The following CASK variants were observed in gnomAD, a reference collection of about 807,000 sequenced individuals.
CASK encodes calcium/calmodulin dependent serine protein kinase.
Under a neutral mutation model 82.9 loss-of-function variants are expected in CASK, and 4 were observed. That is an observed-to-expected ratio of 0.05 (90% confidence interval 0.02 to 0.11). CASK has a LOEUF of 0.11. Among genes scored for constraint, CASK ranks in the 10% least tolerant of loss-of-function variants. The probability of loss-of-function intolerance (pLI) is 1.00; values close to 1 mark genes in which losing one functional copy is unlikely to be tolerated. For missense variants in CASK, 358 were observed against 720.9 expected, an observed-to-expected ratio of 0.50 and a Z score of 5.76; for synonymous variants, 259 against 253.5, an observed-to-expected ratio of 1.02 and a Z score of -0.20.
intron 11 of CASK, 75 bp from the exon 12 acceptor site, chrX:41,610,100 T>G (rs1047203135): frequency 1.4e-5 from 14 of 1,010,544 alleles, no homozygotes; most frequent in Non-Finnish European, 1.6e-5. Flanking sequence ...ACCTAAATCT[T>G]ACACTTAAGA....
intron 1 of CASK, among the ~76,000 whole-genome samples, chrX:41,898,015 C>A (rs2072301014): frequency 9.0e-6 from 1 of 111,648 alleles, no homozygotes; most frequent in South Asian, 3.7e-4. Flanking sequence ...ATTCCCTCTT[C>A]AATTTTTTGG....
chrX:41,896,438 G>C (rs764920545), intron 1 of CASK, among the ~76,000 whole-genome samples: 1 of 111,952 alleles, frequency 8.9e-6, no homozygotes, highest in African/African-American at 3.2e-5. Context: ...ATAATATAGG[G>C]AAAAGACAAT....
At chrX:41,637,378 CTTTTTTTTTTTTTTT>C (rs758261036) in intron 8 of CASK, among the ~76,000 whole-genome samples, 31 of 36,890 alleles carry the variant, frequency 8.4e-4, no homozygotes, top group Admixed American at 1.4e-3. Flanking sequence ...TTAGGACACG[CTTTTTTTTTTTTTTT>C]TTTTTTTTTT....
chrX:41,845,503 A>G (rs910123848), intron 2 of CASK, among the ~76,000 whole-genome samples: 3 of 111,599 alleles, frequency 2.7e-5, no homozygotes, highest in Non-Finnish European at 5.7e-5. Context: ...ATTTCATCTG[A>G]TATTAGTAAT....
At chrX:41,680,801 G>A (rs1373633808) in intron 5 of CASK, among the ~76,000 whole-genome samples, 1 of 110,264 alleles carries the variant, frequency 9.1e-6, no homozygotes, top group Non-Finnish European at 1.9e-5. Flanking sequence ...TGTAATCCCA[G>A]CTACTTGGGA....
intron 26 of CASK, among the ~76,000 whole-genome samples, chrX:41,523,641 G>A (rs1159397119): frequency 8.9e-6 from 1 of 112,257 alleles, no homozygotes; most frequent in Non-Finnish European, 1.9e-5. Context: ...GTCTTCAGGG[G>A]CCTGGAGAGA....
Position 41,787,976 on chromosome X carries a change from C to T in CASK, c.173-693G>A, listed in dbSNP as rs1472966618. Among the ~76,000 whole-genome samples, 3 of 109,458 alleles carry T rather than the reference C, an allele frequency of 2.7e-5. No individual in the cohort carries two copies. The East Asian group carries it at 8.5e-4, about 31-fold the overall frequency. On this transcript the variant is annotated intron_variant, in intron 2 of 26. Transcript: ENST00000378163. ...TTTGAGACAAGCCTGGCCAACATGG[C>T]GAAATCACATCTCTACTAAAAATGT...
At chrX:41,612,490 G>C (rs1347890293) in intron 11 of CASK, among the ~76,000 whole-genome samples, 2 of 107,821 alleles carry the variant, frequency 1.9e-5, no homozygotes, top group African/African-American at 6.8e-5. Context: ...GAAGTGAGGA[G>C]CGTCTCCGCC....
intron 24 of CASK, among the ~76,000 whole-genome samples, chrX:41,532,902 C>T (rs867490534): frequency 6.3e-5 from 7 of 111,077 alleles, no homozygotes; most frequent in African/African-American, 3.3e-5. Context: ...TTCCAGCTCC[C>T]GGGTTCCAAG....
chrX:41,667,216 A>G (rs989837277), intron 6 of CASK, among the ~76,000 whole-genome samples: 1 of 111,909 alleles, frequency 8.9e-6, no homozygotes, highest in Non-Finnish European at 1.9e-5. Flanking sequence ...GTTTGGTTCA[A>G]TAATTTGCTC....
Position 41,671,966 on chromosome X carries a change from A to AG in CASK, c.430-437dup, listed in dbSNP as rs769814012. The stretch of plus-strand genomic sequence containing the variant: ...ACAGAGCCATTGTATCCTGGTTGTT[A>AG]GGGGATAGCCATGGCCCTTTCTTTC... On this transcript the variant is annotated intron_variant, in intron 5 of 26. Transcript: ENST00000378163. Among the ~76,000 whole-genome samples, 142 of 111,940 alleles carry AG rather than the reference A, an allele frequency of 1.3e-3. 2 individuals are homozygous for AG. The highest frequency in any genetic ancestry group is 4.5e-3 in the African/African-American group (138 of 30,833).
chrX:41,883,622 C>T (rs1302783255), intron 1 of CASK, among the ~76,000 whole-genome samples: 1 of 111,514 alleles, frequency 9.0e-6, no homozygotes, highest in African/African-American at 3.3e-5. Context: ...AGAAAAATAT[C>T]GACATTTTTT....
intron 1 of CASK, among the ~76,000 whole-genome samples, chrX:41,899,354 C>A (rs2072327341): frequency 9.0e-6 from 1 of 111,033 alleles, no homozygotes. Context: ...AGTCTTATTT[C>A]TTTTTATCCA....
chrX:41,676,516 G>A, intron 5 of CASK: 2 of 1,173,441 alleles, frequency 1.7e-6, no homozygotes, highest in Non-Finnish European at 2.3e-6. Context: ...CCCGCAGTGG[G>A]CTCCCCTCGC....
At chrX:41,808,449 C>T (rs2070181702) in intron 2 of CASK, among the ~76,000 whole-genome samples, 1 of 112,153 alleles carries the variant, frequency 8.9e-6, no homozygotes, top group Non-Finnish European at 1.9e-5. Flanking sequence ...AGCAAGGCGT[C>T]TCACATCACT....
intron 9 of CASK, among the ~76,000 whole-genome samples, chrX:41,636,355 A>C: frequency 8.9e-6 from 1 of 112,021 alleles, no homozygotes; most frequent in Non-Finnish European, 1.9e-5. Flanking sequence ...AATACAACTA[A>C]TCTTCTATTA....
At chrX:41,546,114 C>G (rs1023455201) in intron 21 of CASK, among the ~76,000 whole-genome samples, 1 of 111,338 alleles carries the variant, frequency 9.0e-6, no homozygotes, top group African/African-American at 3.3e-5. Flanking sequence ...GCTGGGATTA[C>G]GGGTGCCTGC....
Position 41,542,697 on chromosome X carries a change from T to C in CASK, c.2149A>G (p.Asn717Asp). The change falls in exon 22 of 27, where the codon AAT (asparagine) becomes GAT (aspartate). Residue 717 changes from asparagine to aspartate, a missense_variant. By Grantham distance (23) the Asn-to-Asp change is conservative. Coordinates refer to ENST00000378163, the MANE Select transcript of CASK (RefSeq NM_001367721.1). Reference protein sequence around the residue: ...QYKDKYLAKHNAVFDQLDLVT... With the variant: ...QYKDKYLAKHDAVFDQLDLVT... ...CAGTTGTGCTTTTCCCTACCTGCAT[T>C]GTGCTTTGCCAAATATTTATCTTTG... The C allele has an allele frequency of 8.4e-7, 1 of 1,185,479 alleles. No homozygotes were observed. Among genetic ancestry groups the C allele is most frequent in the Non-Finnish European group, 1.1e-6 (1 of 871,524 alleles).
intron 21 of CASK, among the ~76,000 whole-genome samples, chrX:41,549,825 G>C (rs2065071702): frequency 9.1e-6 from 1 of 109,816 alleles, no homozygotes; most frequent in Non-Finnish European, 1.9e-5. Flanking sequence ...GGGAGACAGA[G>C]AGGGACCTTG....
Sources: allele counts gnomAD v4.1 joint callset (sites outside exome capture counted in the v4.1 genomes callset), GRCh38; gene constraint gnomAD v4.1.1; transcripts MANE v1.5; gene names NCBI Gene and HGNC (gene_info 2026-07-23, HGNC 2026-07-21).